The following TRHDE variants were observed in gnomAD, a reference collection of about 807,000 sequenced individuals.
The protein encoded by TRHDE is thyrotropin-releasing hormone-degrading ectoenzyme.
A neutral mutation model predicts 125.7 loss-of-function variants in TRHDE; 72 were observed. That is an observed-to-expected ratio of 0.57 (90% CI 0.47 to 0.70). The LOEUF (loss-of-function observed/expected upper bound fraction) is 0.70. Ranked by LOEUF, TRHDE falls within the 30% of genes least tolerant of loss-of-function variation. TRHDE has a pLI of 0.00. For missense variants in TRHDE, 1,110 were observed against 1,327.1 expected, an observed-to-expected ratio of 0.84 and a Z score of 2.54; for synonymous variants, 509 against 509.1, an observed-to-expected ratio of 1.00 and a Z score of 0.00.
intron 2 of TRHDE, chr12:72,262,846 T>C (rs1280535139): frequency 6.6e-6 from 1 of 152,156 alleles, no homozygotes; most frequent in Non-Finnish European, 1.5e-5. Flanking sequence ...AATGAATCAA[T>C]ATTCATTACT....
intron 2 of TRHDE, among the ~76,000 whole-genome samples, chr12:72,348,635 A>G (rs924892270): frequency 2.6e-5 from 4 of 152,084 alleles, no homozygotes; most frequent in Non-Finnish European, 4.4e-5. Flanking sequence ...TAATTTCACA[A>G]TAGAGACAAA....
chr12:72,275,858 A>G (rs1879469421), intron 1 of TRHDE, among the ~76,000 whole-genome samples: 1 of 152,198 alleles, frequency 6.6e-6, no homozygotes. Context: ...CCTAGTTAAC[A>G]TATAGTTAAA....
chr12:72,363,524 T>A (rs1397844419), intron 2 of TRHDE, among the ~76,000 whole-genome samples: 1 of 152,040 alleles, frequency 6.6e-6, no homozygotes, highest in Non-Finnish European at 1.5e-5. Flanking sequence ...AAAAGCCACA[T>A]GATTATCTCA....
intron 2 of TRHDE, among the ~76,000 whole-genome samples, chr12:72,117,330 G>T (rs1875469393): frequency 6.6e-6 from 1 of 152,000 alleles, no homozygotes; most frequent in South Asian, 2.1e-4. Flanking sequence ...TTATTGAAGA[G>T]GCTGCCCTTT....
chr12:72,121,704 G>A (rs571501246), intron 2 of TRHDE, among the ~76,000 whole-genome samples: 1 of 146,376 alleles, frequency 6.8e-6, no homozygotes, highest in South Asian at 2.2e-4. Context: ...CTGCTTTTTG[G>A]TATTTACGAA....
chr12:72,169,137 G>T (rs1876816478), intron 2 of TRHDE, among the ~76,000 whole-genome samples: 1 of 151,150 alleles, frequency 6.6e-6, no homozygotes, highest in Non-Finnish European at 1.5e-5. Context: ...CAATGAAACA[G>T]ACTTTTTTTT....
chr12:72,634,115 C>A (rs1873615552), intron 15 of TRHDE, among the ~76,000 whole-genome samples: 1 of 152,082 alleles, frequency 6.6e-6, no homozygotes, highest in Non-Finnish European at 1.5e-5. Flanking sequence ...CTCATTTAAT[C>A]ATTGTAACAG....
At chr12:72,604,180 C>T (rs1872332414) in intron 12 of TRHDE, among the ~76,000 whole-genome samples, 1 of 152,146 alleles carries the variant, frequency 6.6e-6, no homozygotes, top group South Asian at 2.1e-4. Flanking sequence ...CTTATTTCCT[C>T]ATCTTTCTTA....
At chr12:72,136,785 T>C (rs1875996087) in intron 2 of TRHDE, among the ~76,000 whole-genome samples, 1 of 152,150 alleles carries the variant, frequency 6.6e-6, no homozygotes, top group Admixed American at 6.5e-5. Context: ...CCAGCACCTG[T>C]TTTTTTATGG....
intron 3 of TRHDE, among the ~76,000 whole-genome samples, chr12:72,465,148 C>G (rs375857739): frequency 1.3e-5 from 2 of 151,690 alleles, no homozygotes; most frequent in South Asian, 4.2e-4. Context: ...TAATTTAATT[C>G]GTTGTGAATT....
In TRHDE at chr12:72,488,694, G is replaced by A. The variant is rs186839059; in HGVS notation, c.1585-10804G>A. ...TGGAACTTTTTATCCAATAGCAGCTGAATATACATTCTTCTCTAGGACACA... is the reference window on the plus strand; with the variant it reads ...TGGAACTTTTTATCCAATAGCAGCTAAATATACATTCTTCTCTAGGACACA... On this transcript the variant is annotated intron_variant, in intron 5 of 18. Transcript: ENST00000261180. 9.2e-5 allele frequency among the ~76,000 whole-genome samples: 14 copies of A among 152,026 alleles called. No individual in the cohort carries two copies. In the East Asian group the frequency reaches 2.5e-3, roughly 27 times the overall value.
intron 7 of TRHDE, among the ~76,000 whole-genome samples, chr12:72,544,687 G>A (rs1227746982): frequency 1.3e-5 from 2 of 150,774 alleles, no homozygotes; most frequent in African/African-American, 4.9e-5. Context: ...TGAAATTTGT[G>A]TTCTCTTGCA....
intron 12 of TRHDE, among the ~76,000 whole-genome samples, chr12:72,609,137 G>A (rs527639198): frequency 6.6e-5 from 10 of 152,140 alleles, no homozygotes; most frequent in Non-Finnish European, 1.2e-4. Flanking sequence ...GGCATCGTTT[G>A]TTGCTTTACA....
At chr12:72,309,242 A>T (rs1765194056) in intron 2 of TRHDE, among the ~76,000 whole-genome samples, 1 of 152,184 alleles carries the variant, frequency 6.6e-6, no homozygotes, top group African/African-American at 2.4e-5. Flanking sequence ...AGAAACAAAG[A>T]AGAGGTGAAA....
rs528311607 is a variant in TRHDE, at chr12:72,475,718, G to A, written c.1584+2538G>A. 7.9e-5 allele frequency among the ~76,000 whole-genome samples: 12 copies of A among 152,162 alleles called. 1 individual carries two copies. The South Asian group carries it at 2.5e-3, about 32-fold the overall frequency. ...GCATTAGGAGTATAAAAACCTTGAG[G>A]TGAGTCAGATATAAGATTTGATCAC... On this transcript the variant is annotated intron_variant, in intron 5 of 18. Transcript: ENST00000261180.
At chr12:72,317,418 G>T (rs745497854) in intron 2 of TRHDE, among the ~76,000 whole-genome samples, 3 of 152,116 alleles carry the variant, frequency 2.0e-5, no homozygotes, top group African/African-American at 7.2e-5. Flanking sequence ...AGAAATAATA[G>T]AAATTTATTT....
intron 12 of TRHDE, among the ~76,000 whole-genome samples, chr12:72,581,313 A>T (rs1293959202): frequency 6.6e-6 from 1 of 152,234 alleles, no homozygotes; most frequent in Non-Finnish European, 1.5e-5. Flanking sequence ...CTCTGAGTAC[A>T]ATTTTTTAAA....
intron 1 of TRHDE, among the ~76,000 whole-genome samples, chr12:72,103,685 T>A (rs1875118904): frequency 6.6e-6 from 1 of 152,154 alleles, no homozygotes; most frequent in Admixed American, 6.5e-5. Flanking sequence ...TAAGGGCAAA[T>A]GGTCTTAGTT....
At chr12:72,590,158 T>TG (rs1384693931) in intron 12 of TRHDE, among the ~76,000 whole-genome samples, 1 of 151,860 alleles carries the variant, frequency 6.6e-6, no homozygotes, top group Non-Finnish European at 1.5e-5. Flanking sequence ...ATTACTTTAT[T>TG]TTTTTTGTTT....
Sources: allele counts gnomAD v4.1 joint callset (sites outside exome capture counted in the v4.1 genomes callset), GRCh38; gene constraint gnomAD v4.1.1; transcripts MANE v1.5; gene names NCBI Gene and HGNC (gene_info 2026-07-23, HGNC 2026-07-21).